PTPRN2: variants seen among roughly 807,000 people sequenced by gnomAD.
The protein encoded by PTPRN2 is protein tyrosine phosphatase receptor type N2, also known as receptor-type tyrosine-protein phosphatase N2.
Under a neutral mutation model 118.8 loss-of-function variants are expected in PTPRN2, and 74 were observed. The observed-to-expected ratio is 0.62, with a 90% CI of 0.52 to 0.76. PTPRN2 has a LOEUF of 0.76. PTPRN2 is among the 30% of genes least tolerant of loss of function. The probability of loss-of-function intolerance (pLI) is 0.00; values close to 1 mark genes in which losing one functional copy is unlikely to be tolerated. For missense variants in PTPRN2, 1,481 were observed against 1,394.4 expected (o/e 1.06, Z -0.99); for synonymous variants, 641 against 608.0 (o/e 1.05, Z -0.80).
In PTPRN2 at chr7:158,134,093, C is replaced by T. The variant is rs377221478; in HGVS notation, c.1174-34G>A. The T allele has an allele frequency of 1.5e-4, 241 of 1,591,042 alleles. 1 individual carries two copies. In the East Asian group the frequency reaches 3.0e-3, roughly 20 times the overall value. ...GAGGACATTCCGTGAGGGACGTCTG[C>T]GAAAGGAATGCTGATGTGACACATG... is the stretch of plus-strand genomic sequence containing the variant. On this transcript the variant is annotated intron_variant, in intron 8 of 22. Transcript: ENST00000389418.
Position 158,270,245 on chromosome 7 carries a change from C to T in PTPRN2, c.277+46574G>A, listed in dbSNP as rs146057392. ...GCAGAGGCTGCCTGGAAGGCTCCAC[C>T]GGCCAAGGGCAGGTCAGCAAGGCAA... On this transcript the variant is annotated intron_variant, in intron 3 of 22. Transcript: ENST00000389418. 3.5e-3 allele frequency among the ~76,000 whole-genome samples: 537 copies of T among 152,348 alleles called. 1 individual carries two copies. Among genetic ancestry groups the T allele is most frequent in the Non-Finnish European group, 5.6e-3 (380 of 68,018 alleles).
At chr7:157,673,863 T>C (rs1796530925) in intron 13 of PTPRN2, among the ~76,000 whole-genome samples, 1 of 149,988 alleles carries the variant, frequency 6.7e-6, no homozygotes, top group Non-Finnish European at 1.5e-5. Context: ...CACAGTGTTG[T>C]CTGTTTCCGG....
At chr7:158,264,934 A>G (rs147465472) in intron 3 of PTPRN2, among the ~76,000 whole-genome samples, 162 of 152,078 alleles carry the variant, frequency 1.1e-3, no homozygotes, top group African/African-American at 3.7e-3. Flanking sequence ...CTGCCTTTAC[A>G]CGAAGAGCCC....
At chr7:158,116,009 G>A (rs1287942524) in intron 9 of PTPRN2, among the ~76,000 whole-genome samples, 3 of 152,160 alleles carry the variant, frequency 2.0e-5, no homozygotes, top group African/African-American at 4.8e-5. Context: ...AGACAGGCCC[G>A]CTCTGCACAC....
intron 9 of PTPRN2, among the ~76,000 whole-genome samples, chr7:158,128,674 C>T (rs114666751): frequency 7.6e-4 from 115 of 152,234 alleles, no homozygotes; most frequent in Admixed American, 2.4e-3. Context: ...ACAGGATTGT[C>T]GGCTCTGAAG....
chr7:158,300,224 G>C (rs1381291428), intron 3 of PTPRN2, among the ~76,000 whole-genome samples: 1 of 152,126 alleles, frequency 6.6e-6, no homozygotes, highest in African/African-American at 2.4e-5. Context: ...AATTATGAGG[G>C]ATGGGCCCAC....
intron 6 of PTPRN2, among the ~76,000 whole-genome samples, chr7:158,154,652 C>G (rs997207164): frequency 6.6e-6 from 1 of 152,122 alleles, no homozygotes. Flanking sequence ...TAGGAAACAT[C>G]CACCTTCAAA....
intron 11 of PTPRN2, among the ~76,000 whole-genome samples, chr7:157,954,712 G>GC (rs1801075501): frequency 6.6e-6 from 1 of 152,156 alleles, no homozygotes; most frequent in East Asian, 1.9e-4. Flanking sequence ...TCCCTGCCGA[G>GC]CCCCAGAAAC....
At chr7:158,297,522 C>T (rs1476527330) in intron 3 of PTPRN2, among the ~76,000 whole-genome samples, 1 of 152,194 alleles carries the variant, frequency 6.6e-6, no homozygotes, top group Non-Finnish European at 1.5e-5. Flanking sequence ...AGCATCTTGT[C>T]TTGGGAAGGG....
intron 5 of PTPRN2, among the ~76,000 whole-genome samples, chr7:158,175,501 C>T (rs1429420688): frequency 6.6e-6 from 1 of 152,166 alleles, no homozygotes; most frequent in Non-Finnish European, 1.5e-5. Flanking sequence ...TCTGTCTTAA[C>T]ACAGTAGAAA....
chr7:157,991,740 C>T lies in PTPRN2; in HGVS notation c.1723+89558G>A, dbSNP rs139263737. Among the ~76,000 whole-genome samples the T allele has an allele frequency of 3.5e-3, 535 of 152,300 alleles. 1 individual carries two copies. Among genetic ancestry groups the T allele is most frequent in the African/African-American group, 0.012 (499 of 41,566 alleles). On this transcript the variant is annotated intron_variant, in intron 11 of 22. Transcript: ENST00000389418. ...ATCCCAGCAAGTGACACACCCAAGG[C>T]TGGGGACCCAGGACAAGGCCAAGGG...
intron 12 of PTPRN2, among the ~76,000 whole-genome samples, chr7:157,726,080 G>C (rs1260647894): frequency 3.6e-4 from 28 of 77,462 alleles, no homozygotes; most frequent in South Asian, 4.6e-4. Flanking sequence ...ACGCAGAGGA[G>C]TGTGGCCAGA....
chr7:157,673,105 C>T (rs1016927802), intron 13 of PTPRN2, among the ~76,000 whole-genome samples: 23 of 152,158 alleles, frequency 1.5e-4, no homozygotes, highest in Admixed American at 3.9e-4. Context: ...CTCACCGCAA[C>T]GTCTGCCTCC....
At chr7:157,644,575 A>T (rs1353311916) in intron 14 of PTPRN2, among the ~76,000 whole-genome samples, 4 of 152,208 alleles carry the variant, frequency 2.6e-5, no homozygotes, top group Non-Finnish European at 5.9e-5. Flanking sequence ...AGGCAGGCGG[A>T]TCACGAGGTC....
chr7:158,212,179 T>G (rs988089307), intron 3 of PTPRN2, among the ~76,000 whole-genome samples: 78 of 151,352 alleles, frequency 5.2e-4, no homozygotes, highest in African/African-American at 1.9e-3. Context: ...ACTGAACTTA[T>G]AGAGAGTAGA....
intron 2 of PTPRN2, among the ~76,000 whole-genome samples, chr7:158,479,586 A>G (rs921662735): frequency 2.0e-5 from 3 of 152,240 alleles, no homozygotes; most frequent in Non-Finnish European, 2.9e-5. Flanking sequence ...AAATAGAATA[A>G]TAACTTTTGA....
At chr7:157,723,485 C>G (rs1025430602) in intron 12 of PTPRN2, among the ~76,000 whole-genome samples, 1 of 152,234 alleles carries the variant, frequency 6.6e-6, no homozygotes, top group Non-Finnish European at 1.5e-5. Context: ...TCTCCCCACA[C>G]CAGCATGTCA....
chr7:158,524,483 GC>G (rs2129448274), intron 1 of PTPRN2, among the ~76,000 whole-genome samples: 1 of 115,084 alleles, frequency 8.7e-6, no homozygotes, highest in Non-Finnish European at 1.9e-5. Context: ...CTGCCCTGGA[GC>G]GGAGTCTGCC....
Position 158,363,434 on chromosome 7 carries a change from A to T in PTPRN2, c.164-46502T>A, listed in dbSNP as rs115964275. Among the ~76,000 whole-genome samples the T allele has an allele frequency of 8.2e-3, 1,253 of 152,088 alleles. 18 individuals carry two copies. The highest frequency in any genetic ancestry group is 0.029 in the African/African-American group (1,195 of 41,472). On this transcript the variant is annotated intron_variant, in intron 2 of 22. Coordinates refer to ENST00000389418, the MANE Select transcript of PTPRN2 (RefSeq NM_002847.5). ...CAATTTCGGAAAAAACAAAACATAC[A>T]AGTGAAACTCAGCCCACAGCTCTGA... is the stretch of plus-strand genomic sequence containing the variant.
Sources: gnomAD v4.1 joint callset for allele counts (sites outside exome capture counted in the v4.1 genomes callset) on GRCh38, gnomAD v4.1.1 for gene constraint, MANE v1.5 for transcripts, NCBI Gene and HGNC (gene_info 2026-07-23, HGNC 2026-07-21) for gene names.